Variants in GLT8D2 observed in about 807,000 individuals in gnomAD.
GLT8D2 encodes glycosyltransferase 8 domain-containing protein 2.
A neutral mutation model predicts 44.5 loss-of-function variants in GLT8D2; 45 were observed. The ratio of observed to expected loss-of-function variants is 1.01; its 90% CI spans 0.80 to 1.30. The LOEUF is 1.30. Ranked by LOEUF, GLT8D2 falls within the 50% of genes most tolerant of loss-of-function variation. The pLI is 0.00. For synonymous variants in GLT8D2, 156 were observed against 157.2 expected (o/e 0.99, Z 0.06); for missense variants, 400 against 430.4 (o/e 0.93, Z 0.62).
chr12:103,997,772 T>C (rs1031181596), intron 6 of GLT8D2, among the ~76,000 whole-genome samples: 5 of 152,190 alleles, frequency 3.3e-5, no homozygotes, highest in African/African-American at 1.2e-4. Flanking sequence ...AACCCCCTAG[T>C]GCCGAGGCTG....
At chr12:104,016,275 T>C (rs763978167) in intron 3 of GLT8D2, among the ~76,000 whole-genome samples, 2 of 152,182 alleles carry the variant, frequency 1.3e-5, no homozygotes, top group Non-Finnish European at 2.9e-5. Context: ...GAGCCAGTAG[T>C]AATTATAAAT....
At chr12:104,004,823 T>C (rs1453993982) in intron 4 of GLT8D2, among the ~76,000 whole-genome samples, 1 of 152,124 alleles carries the variant, frequency 6.6e-6, no homozygotes, top group Non-Finnish European at 1.5e-5. Context: ...AATTTATAGA[T>C]TCAATGCCAT....
chr12:104,038,830 T>C (rs1211505623), intron 1 of GLT8D2, among the ~76,000 whole-genome samples: 2 of 152,078 alleles, frequency 1.3e-5, no homozygotes, highest in African/African-American at 4.8e-5. Flanking sequence ...AGAGCCCACA[T>C]CGCCAAGACA....
chr12:104,005,392 T>C (rs1196673746), intron 4 of GLT8D2, among the ~76,000 whole-genome samples: 1 of 152,050 alleles, frequency 6.6e-6, no homozygotes, highest in Non-Finnish European at 1.5e-5. Flanking sequence ...GGGATCTAAT[T>C]AAACTAAAGA....
At chr12:104,014,758 A>G (rs1334954509) in intron 4 of GLT8D2, among the ~76,000 whole-genome samples, 7 of 152,088 alleles carry the variant, frequency 4.6e-5, no homozygotes, top group Non-Finnish European at 7.4e-5. Flanking sequence ...CTGATCCTAC[A>G]CCTCACGGGT....
chr12:104,008,051 A>G (rs2136317859), intron 4 of GLT8D2, among the ~76,000 whole-genome samples: 1 of 152,340 alleles, frequency 6.6e-6, no homozygotes, highest in South Asian at 2.1e-4. Flanking sequence ...TATCAGCAGC[A>G]TGAAAACGGA....
chr12:104,053,618 C>T, upstream of GLT8D2, among the ~76,000 whole-genome samples: 1 of 152,212 alleles, frequency 6.6e-6, no homozygotes. Flanking sequence ...GGCGCGGTGG[C>T]TCACACCTGT....
chr12:104,016,191 C>T (rs558085995), intron 3 of GLT8D2, among the ~76,000 whole-genome samples: 1 of 152,230 alleles, frequency 6.6e-6, no homozygotes, highest in South Asian at 2.1e-4. Flanking sequence ...AGTTTTTCCC[C>T]ATTTAGTATG....
intron 1 of GLT8D2, among the ~76,000 whole-genome samples, chr12:104,030,204 A>C (rs183811802): frequency 6.4e-4 from 98 of 152,310 alleles, no homozygotes; most frequent in African/African-American, 2.2e-3. Context: ...AAATCCACGC[A>C]TATATGGTCA....
intron 3 of GLT8D2, among the ~76,000 whole-genome samples, chr12:104,017,920 C>T (rs1877098887): frequency 6.6e-6 from 1 of 152,086 alleles, no homozygotes; most frequent in African/African-American, 2.4e-5. Context: ...CAATGCAGGC[C>T]CAATAAAGAC....
chr12:104,017,393 G>T (rs1233080726), intron 3 of GLT8D2, among the ~76,000 whole-genome samples: 2 of 152,164 alleles, frequency 1.3e-5, no homozygotes, highest in African/African-American at 4.8e-5. Flanking sequence ...CACAGCCTTG[G>T]CTCACTGCAA....
At position 103,989,473 on chromosome 12, in the gene GLT8D2, C is replaced by T. The variant is rs765776236; in HGVS notation, c.985G>A (p.Asp329Asn). The change falls in exon 11 of 11, where the codon GAC (aspartate) becomes AAC (asparagine). Residue 329 changes from aspartate (D) to asparagine (N), a missense_variant. Coordinates refer to ENST00000360814, the MANE Select transcript of GLT8D2 (RefSeq NM_001384711.1). ...KPWDFPSVHN[D>N]LWESWFVPDP... Reference sequence around the variant, plus strand: ...GGAACAAACCAGCTTTCCCATAAGTCGTTGTGAACACTAGGGAAGTCCCAA... The same window carrying T: ...GGAACAAACCAGCTTTCCCATAAGTTGTTGTGAACACTAGGGAAGTCCCAA... 31 of 1,613,536 alleles carry T rather than the reference C, an allele frequency of 1.9e-5. No homozygotes were observed. Among genetic ancestry groups the T allele is most frequent in the South Asian group, 3.3e-5 (3 of 91,046 alleles).
chr12:103,993,300 C>T, intron 10 of GLT8D2, 92 bp downstream of exon 10: 2 of 989,136 alleles, frequency 2.0e-6, no homozygotes, highest in Non-Finnish European at 3.1e-6. Flanking sequence ...CATTGCACTC[C>T]AGCCTGGGCA....
At chr12:104,036,491 A>G (rs147064400) in intron 1 of GLT8D2, among the ~76,000 whole-genome samples, 5,613 of 152,282 alleles carry the variant, frequency 0.037, 184 homozygotes, top group South Asian at 0.083. Context: ...GGAAAGCAAA[A>G]AAAAAGCAGG....
chr12:103,994,169 A>G (rs1873122839), intron 9 of GLT8D2, 166 bp downstream of exon 9: 2 of 512,416 alleles, frequency 3.9e-6, no homozygotes, highest in Non-Finnish European at 6.6e-6. Flanking sequence ...CTTTTGAGGA[A>G]AGGTTTTAAT....
rs1242268265 is a variant in GLT8D2 at position 104,016,762 on chromosome 12, AGAAAGAAAGAAAGAAGGAAGGAAG to A, written c.20-1681_20-1658del. Among the ~76,000 whole-genome samples, 21 of 91,436 alleles carry A rather than the reference AGAAAGAAAGAAAGAAGGAAGGAAG, an allele frequency of 2.3e-4. No individual in the cohort carries two copies. The East Asian group carries it at 2.8e-3, about 12-fold the overall frequency. The allele number at this position is 91,436 out of a possible 152,430, so 60.0% of individuals were successfully genotyped here. ...AAGAAAGAAAGAAAGAAAGAAAGAA[AGAAAGAAAGAAAGAAGGAAGGAAG>A]GAAGGAAGGAAGGAAGGAAGGAAAG... On this transcript the variant is annotated intron_variant, in intron 3 of 10. Coordinates refer to ENST00000360814, the MANE Select transcript of GLT8D2 (RefSeq NM_001384711.1).
chr12:103,994,300 A>C (rs768625423), intron 9 of GLT8D2, 35 bp downstream of exon 9: 1 of 1,559,402 alleles, frequency 6.4e-7, no homozygotes, highest in Admixed American at 1.8e-5. Context: ...TTTGTTTCCA[A>C]GCATGGAAAA....
chr12:104,043,553 G>A (rs1417965458), intron 1 of GLT8D2, among the ~76,000 whole-genome samples: 2 of 152,118 alleles, frequency 1.3e-5, no homozygotes, highest in Admixed American at 1.3e-4. Flanking sequence ...TGCAACCTCC[G>A]CCTCCTGGGT....
At chr12:104,058,014 C>T (rs1253901728) in intron 1 of GLT8D2, among the ~76,000 whole-genome samples, 2 of 152,176 alleles carry the variant, frequency 1.3e-5, no homozygotes, top group Non-Finnish European at 2.9e-5. Flanking sequence ...CAGTGTGGTG[C>T]TGCTGAACAG....
Sources: allele counts gnomAD v4.1 joint callset (sites outside exome capture counted in the v4.1 genomes callset), GRCh38; gene constraint gnomAD v4.1.1; transcripts MANE v1.5; gene names NCBI Gene and HGNC (gene_info 2026-07-23, HGNC 2026-07-21).